Variants in NRXN2 observed in about 807,000 individuals in gnomAD.
NRXN2 encodes the protein neurexin 2, also known as neurexin-2-beta.
A neutral mutation model predicts 128.8 loss-of-function variants in NRXN2; 29 were observed. The observed-to-expected ratio is 0.23, with a 90% CI of 0.17 to 0.31. NRXN2 has a LOEUF of 0.31. NRXN2 is among the 10% of genes least tolerant of loss of function. The pLI, the probability that NRXN2 is intolerant of heterozygous loss-of-function variation, is 1.00. For missense variants in NRXN2, 1,881 were observed against 2,452.6 expected (o/e 0.77, Z 4.92); for synonymous variants, 1,098 against 1,075.2 (o/e 1.02, Z -0.41).
At position 64,632,975 on chromosome 11, in the gene NRXN2, G is replaced by A. The variant is rs1322016495; in HGVS notation, c.3585+2296C>T. Reference sequence around the variant, plus strand: ...GGGAGCTGATGTGTCACCAGGGGAGGAAGGGGTTTGGGGGCTGCCCCCAGG... The same window carrying A: ...GGGAGCTGATGTGTCACCAGGGGAGAAAGGGGTTTGGGGGCTGCCCCCAGG... On this transcript the variant is annotated intron_variant, in intron 18 of 22. Transcript: ENST00000265459. The surrounding 1 kb of genome is among the most constrained non-coding windows in gnomAD (Gnocchi z 4.2). Among the ~76,000 whole-genome samples the A allele has an allele frequency of 6.6e-6, 1 of 152,174 alleles. No homozygotes were observed. Among genetic ancestry groups the A allele is most frequent in the African/African-American group, 2.4e-5 (1 of 41,442 alleles).
intron 5 of NRXN2, 127 bp downstream of exon 5, chr11:64,690,278 C>G: frequency 1.2e-6 from 1 of 827,430 alleles, no homozygotes; most frequent in Non-Finnish European, 2.0e-6. Flanking sequence ...GCAGACCCAT[C>G]ACTTCCCACA....
At chr11:64,662,877 AG>A (rs1429966467) in intron 9 of NRXN2, among the ~76,000 whole-genome samples, 1 of 152,068 alleles carries the variant, frequency 6.6e-6, no homozygotes, top group Non-Finnish European at 1.5e-5. Flanking sequence ...CATCCTAGTT[AG>A]AAAAAAAAAA....
intron 2 of NRXN2, among the ~76,000 whole-genome samples, chr11:64,702,325 C>A (rs1234504569): frequency 6.6e-6 from 1 of 152,094 alleles, no homozygotes; most frequent in East Asian, 1.9e-4. Context: ...TGAGAACGGG[C>A]CATGATGACA....
In NRXN2 at chr11:64,631,071, G is replaced by C. The variant is rs1040688611; in HGVS notation, c.3586-498C>G. 6.6e-6 allele frequency among the ~76,000 whole-genome samples: 1 copy of C among 152,222 alleles called. No homozygotes were observed. Among genetic ancestry groups the C allele is most frequent in the African/African-American group, 2.4e-5 (1 of 41,460 alleles). On this transcript the variant is annotated intron_variant, in intron 18 of 22. Coordinates refer to ENST00000265459, the MANE Select transcript of NRXN2 (RefSeq NM_015080.4). The surrounding 1 kb of genome is among the most constrained non-coding windows in gnomAD (Gnocchi z 4.8). ...TCCCTGGTATGCTCTGTACCAAGCA[G>C]GCCCCCAGGGGGCTTCCACCCACAC...
chr11:64,653,017 C>G (rs1470524110), intron 12 of NRXN2, among the ~76,000 whole-genome samples: 1 of 152,008 alleles, frequency 6.6e-6, no homozygotes, highest in Non-Finnish European at 1.5e-5. Context: ...CTGCCTGGGC[C>G]TACCACGTGC....
intron 12 of NRXN2, among the ~76,000 whole-genome samples, chr11:64,653,320 C>CA (rs2047751000): frequency 1.3e-5 from 2 of 152,128 alleles, no homozygotes; most frequent in Non-Finnish European, 2.9e-5. Flanking sequence ...CAGCCCCTCT[C>CA]AGGCTCCTCC....
rs1332747885 is a variant in NRXN2, at chr11:64,638,075, AAGAC to A, written c.3404-2627_3404-2624del. Among the ~76,000 whole-genome samples, 4 of 152,046 alleles carry A rather than the reference AAGAC, an allele frequency of 2.6e-5. No homozygotes were observed. In the East Asian group the frequency reaches 5.8e-4, roughly 22 times the overall value. On this transcript the variant is annotated intron_variant, in intron 17 of 22. Coordinates refer to ENST00000265459, the MANE Select transcript of NRXN2 (RefSeq NM_015080.4). ...CAGGAAACATGGCGGTGAAGGCACAAAGACAGACCAGGGAAGGCGGCCCCAGGAC... is the reference window on the plus strand; with the variant it reads ...CAGGAAACATGGCGGTGAAGGCACAAAGACCAGGGAAGGCGGCCCCAGGAC...
intron 9 of NRXN2, among the ~76,000 whole-genome samples, chr11:64,663,638 G>C (rs2049368325): frequency 6.6e-6 from 1 of 152,076 alleles, no homozygotes. Context: ...GACTCAACCA[G>C]ACTCTCTACA....
intron 22 of NRXN2, among the ~76,000 whole-genome samples, chr11:64,615,696 T>C (rs1041205468): frequency 6.6e-6 from 1 of 152,240 alleles, no homozygotes; most frequent in Non-Finnish European, 1.5e-5. Flanking sequence ...CAGGCATGCC[T>C]TGTACTGTGT....
chr11:64,628,317 G>A (rs1254504562), intron 19 of NRXN2, among the ~76,000 whole-genome samples: 2 of 152,120 alleles, frequency 1.3e-5, no homozygotes, highest in Non-Finnish European at 2.9e-5. Flanking sequence ...TTAAAACCCA[G>A]GTTCTTCTGA....
chr11:64,659,113 A>G (rs1162047567), intron 11 of NRXN2, among the ~76,000 whole-genome samples: 1 of 152,244 alleles, frequency 6.6e-6, no homozygotes, highest in Non-Finnish European at 1.5e-5. Flanking sequence ...CTCTAGGTCC[A>G]GGATACAACA....
At chr11:64,686,784 T>C (rs560518095) in intron 5 of NRXN2, among the ~76,000 whole-genome samples, 1 of 152,286 alleles carries the variant, frequency 6.6e-6, no homozygotes, top group African/African-American at 2.4e-5. Flanking sequence ...TGTGTGTGCA[T>C]GTCTGTGTGT....
intron 17 of NRXN2, among the ~76,000 whole-genome samples, chr11:64,645,294 C>T (rs1375683565): frequency 6.6e-6 from 1 of 151,936 alleles, no homozygotes; most frequent in Non-Finnish European, 1.5e-5. Context: ...CCAATCAATA[C>T]CAGTGAGTGG....
In NRXN2 at chr11:64,689,599, T is replaced by G. The variant is rs550786708; in HGVS notation, c.850+806A>C. On this transcript the variant is annotated intron_variant, in intron 5 of 22. Coordinates refer to ENST00000265459, the MANE Select transcript of NRXN2 (RefSeq NM_015080.4). ...CAATCCCTGGCCTCAAGGAGCTTGGTCTAGTTGGGGAAGCAAACAGGTAAA... is the reference window on the plus strand; with the variant it reads ...CAATCCCTGGCCTCAAGGAGCTTGGGCTAGTTGGGGAAGCAAACAGGTAAA... 2.0e-5 allele frequency among the ~76,000 whole-genome samples: 3 copies of G among 152,222 alleles called. No individual in the cohort carries two copies. The South Asian group carries it at 6.2e-4, about 32-fold the overall frequency.
chr11:64,609,223 C>A (rs2040226012), intron 22 of NRXN2, among the ~76,000 whole-genome samples: 1 of 152,040 alleles, frequency 6.6e-6, no homozygotes, highest in African/African-American at 2.4e-5. Flanking sequence ...TCATTCTTCA[C>A]CCTCCACCTC....
chr11:64,693,465 G>A (rs529624895), intron 3 of NRXN2, among the ~76,000 whole-genome samples: 1 of 152,270 alleles, frequency 6.6e-6, no homozygotes, highest in South Asian at 2.1e-4. Context: ...AAGCGGGCAA[G>A]GGGGCCTCCA....
chr11:64,619,646 G>A (rs1006128433), intron 22 of NRXN2, among the ~76,000 whole-genome samples: 1 of 152,122 alleles, frequency 6.6e-6, no homozygotes, highest in Non-Finnish European at 1.5e-5. Context: ...ATCTGGGCCA[G>A]ACCTCAGGCC....
intron 1 of NRXN2, among the ~76,000 whole-genome samples, chr11:64,716,634 G>A (rs1471538612): frequency 1.3e-5 from 2 of 152,134 alleles, no homozygotes; most frequent in Admixed American, 6.5e-5. Context: ...CTCCAGGGAG[G>A]GTCGGAAGCA....
chr11:64,665,679 C>A (rs1399442931), intron 9 of NRXN2, among the ~76,000 whole-genome samples: 1 of 152,208 alleles, frequency 6.6e-6, no homozygotes, highest in Non-Finnish European at 1.5e-5. Context: ...GCCCCTCCTT[C>A]CTGCATGGGG....
Sources: gnomAD v4.1 joint callset for allele counts (sites outside exome capture counted in the v4.1 genomes callset) on GRCh38, gnomAD v4.1.1 for gene constraint, Gnocchi (gnomAD v3.1) non-coding constraint, MANE v1.5 for transcripts, NCBI Gene and HGNC (gene_info 2026-07-23, HGNC 2026-07-21) for gene names.